PCDH9: variants seen among roughly 807,000 people sequenced by gnomAD.
The protein encoded by PCDH9 is protocadherin 9.
A neutral mutation model predicts 70.6 loss-of-function variants in PCDH9; 24 were observed. The ratio of observed to expected loss-of-function variants is 0.34; its 90% confidence interval spans 0.25 to 0.48. The LOEUF (loss-of-function observed/expected upper bound fraction) is 0.48, where lower values mean the gene tolerates loss of function less well. Among genes scored for constraint, PCDH9 ranks in the 20% least tolerant of loss-of-function variants. The pLI, the probability that PCDH9 is intolerant of heterozygous loss-of-function variation, is 0.99. For synonymous variants in PCDH9, 562 were observed against 558.5 expected (o/e 1.01, Z -0.09); for missense variants, 1,281 against 1,503.6 (o/e 0.85, Z 2.45).
At chr13:66,487,930 T>A (rs1201281928) in intron 4 of PCDH9, among the ~76,000 whole-genome samples, 1 of 152,182 alleles carries the variant, frequency 6.6e-6, no homozygotes, top group Non-Finnish European at 1.5e-5. Flanking sequence ...TCTGGGAAGA[T>A]CTTGGCTTGT....
chr13:66,324,447 T>C (rs1161220258), intron 4 of PCDH9, among the ~76,000 whole-genome samples: 1 of 152,046 alleles, frequency 6.6e-6, no homozygotes, highest in Non-Finnish European at 1.5e-5. Context: ...CACAAGTTAC[T>C]TCGACCTAGG....
chr13:66,858,793 T>C (rs1010745310), intron 3 of PCDH9, among the ~76,000 whole-genome samples: 1 of 152,160 alleles, frequency 6.6e-6, no homozygotes, highest in East Asian at 1.9e-4. Flanking sequence ...TTTGTTTACA[T>C]GTCTGACTCC....
rs186723638 is a variant in PCDH9 at position 67,082,010 on chromosome 13, A to G, written c.3036+143395T>C. Among the ~76,000 whole-genome samples the G allele has an allele frequency of 1.6e-3, 248 of 152,334 alleles. 2 individuals carry two copies. The highest frequency in any genetic ancestry group is 5.8e-3 in the African/African-American group (242 of 41,584). On this transcript the variant is annotated intron_variant, in intron 2 of 4. Coordinates refer to ENST00000377865, the MANE Select transcript of PCDH9 (RefSeq NM_203487.3). ...GAGATAAATGTACACTTGTAAAACCATCATCACAATCTATGCCATAAGCAC... is the reference window on the plus strand; with the variant it reads ...GAGATAAATGTACACTTGTAAAACCGTCATCACAATCTATGCCATAAGCAC...
chr13:66,419,814 A>G (rs1172140704), intron 4 of PCDH9, among the ~76,000 whole-genome samples: 1 of 151,102 alleles, frequency 6.6e-6, no homozygotes, highest in African/African-American at 2.4e-5. Flanking sequence ...GCGAAACAGA[A>G]CTGTTCACTA....
At chr13:67,193,652 C>G (rs148515527) in intron 2 of PCDH9, among the ~76,000 whole-genome samples, 1,537 of 152,026 alleles carry the variant, frequency 0.01, 39 homozygotes, top group African/African-American at 0.035. Flanking sequence ...CTATAGATTA[C>G]CTTGGATGTA....
intron 3 of PCDH9, among the ~76,000 whole-genome samples, chr13:66,852,737 A>G (rs553169927): frequency 6.6e-6 from 1 of 152,184 alleles, no homozygotes; most frequent in East Asian, 1.9e-4. Context: ...TATGAACTTC[A>G]TTTTCTTTTA....
chr13:66,424,272 A>G (rs1957626183), intron 4 of PCDH9, among the ~76,000 whole-genome samples: 1 of 152,180 alleles, frequency 6.6e-6, no homozygotes, highest in African/African-American at 2.4e-5. Context: ...TATAGATTCA[A>G]TGCTATTCTC....
At chr13:66,408,159 C>A (rs374917227) in intron 4 of PCDH9, among the ~76,000 whole-genome samples, 18 of 151,280 alleles carry the variant, frequency 1.2e-4, no homozygotes, top group African/African-American at 4.4e-4. Context: ...CCCGGGTTCA[C>A]GCCATTCTCC....
chr13:66,880,806 T>G (rs2081908570), intron 3 of PCDH9, among the ~76,000 whole-genome samples: 1 of 152,202 alleles, frequency 6.6e-6, no homozygotes, highest in African/African-American at 2.4e-5. Flanking sequence ...TCCTTTAACT[T>G]GTCATAATAA....
In PCDH9 at chr13:66,826,504, C is replaced by T. The variant is rs559818188; in HGVS notation, c.3138+77000G>A. ...ATAATTTAATTAACACCTGTTAGGC[C>T]GTTTGCCTGTATAATTGGAATAGTA... On this transcript the variant is annotated intron_variant, in intron 3 of 4. Transcript: ENST00000377865. Among the ~76,000 whole-genome samples the T allele has an allele frequency of 2.6e-5, 4 of 152,098 alleles. No individual in the cohort carries two copies. The East Asian group carries it at 5.8e-4, about 22-fold the overall frequency.
chr13:66,573,199 T>C (rs1221639677), intron 4 of PCDH9, among the ~76,000 whole-genome samples: 6 of 152,086 alleles, frequency 3.9e-5, no homozygotes, highest in Non-Finnish European at 7.4e-5. Context: ...TGAACATTTT[T>C]TTCATATACT....
intron 2 of PCDH9, among the ~76,000 whole-genome samples, chr13:67,108,341 T>C (rs1360695377): frequency 6.6e-6 from 1 of 152,180 alleles, no homozygotes; most frequent in African/African-American, 2.4e-5. Flanking sequence ...ATTTATCTTT[T>C]AAAAATAATT....
intron 2 of PCDH9, among the ~76,000 whole-genome samples, chr13:67,134,378 C>A: frequency 6.6e-6 from 1 of 151,974 alleles, no homozygotes; most frequent in East Asian, 1.9e-4. Flanking sequence ...TTTTAATAAT[C>A]CAGAATAAGC....
chr13:66,664,156 C>T (rs2139023434), intron 3 of PCDH9, among the ~76,000 whole-genome samples: 1 of 152,318 alleles, frequency 6.6e-6, no homozygotes, highest in Admixed American at 6.5e-5. Context: ...AAAAGTATTT[C>T]CAATCATATC....
At chr13:66,955,298 C>T (rs941554419) in intron 2 of PCDH9, among the ~76,000 whole-genome samples, 1 of 152,092 alleles carries the variant, frequency 6.6e-6, no homozygotes, top group African/African-American at 2.4e-5. Context: ...TCCTAATCAG[C>T]TTATTTATTA....
chr13:67,105,956 T>C (rs2086532623), intron 2 of PCDH9, among the ~76,000 whole-genome samples: 1 of 151,476 alleles, frequency 6.6e-6, no homozygotes, highest in Non-Finnish European at 1.5e-5. Flanking sequence ...TATATTAGTT[T>C]ATAGTGTAGG....
At chr13:66,354,142 T>C (rs1480661490) in intron 4 of PCDH9, among the ~76,000 whole-genome samples, 1 of 152,182 alleles carries the variant, frequency 6.6e-6, no homozygotes, top group African/African-American at 2.4e-5. Context: ...TGTTTTTCTT[T>C]TTCTCTCTCT....
At chr13:66,581,879 C>T (rs1227922305) in intron 4 of PCDH9, among the ~76,000 whole-genome samples, 2 of 152,154 alleles carry the variant, frequency 1.3e-5, no homozygotes, top group African/African-American at 2.4e-5. Flanking sequence ...CTATTTAGAT[C>T]TTGAAAAATG....
intron 2 of PCDH9, among the ~76,000 whole-genome samples, chr13:67,149,812 C>T (rs747703092): frequency 4.6e-5 from 7 of 151,820 alleles, no homozygotes; most frequent in East Asian, 1.9e-4. Flanking sequence ...TGCTTTTAGC[C>T]GAACACTTTC....
Sources: allele counts gnomAD v4.1 joint callset (sites outside exome capture counted in the v4.1 genomes callset), GRCh38; gene constraint gnomAD v4.1.1; transcripts MANE v1.5; gene names NCBI Gene and HGNC (gene_info 2026-07-23, HGNC 2026-07-21).